The following ATRNL1 variants were observed in gnomAD, a reference collection of about 807,000 sequenced individuals.
ATRNL1 encodes attractin-like protein 1.
Under a neutral mutation model 182.7 loss-of-function variants are expected in ATRNL1, and 95 were observed. That is an observed-to-expected ratio of 0.52 (90% CI 0.44 to 0.62). The LOEUF (loss-of-function observed/expected upper bound fraction) is 0.62. Ranked by LOEUF, ATRNL1 falls within the 20% of genes least tolerant of loss-of-function variation. The pLI is 0.00. For missense variants in ATRNL1, 1,471 were observed against 1,679.5 expected, an observed-to-expected ratio of 0.88 and a Z score of 2.17; for synonymous variants, 576 against 568.3, an observed-to-expected ratio of 1.01 and a Z score of -0.19.
At chr10:115,346,259 C>T (rs782013500) in intron 19 of ATRNL1, among the ~76,000 whole-genome samples, 2 of 151,968 alleles carry the variant, frequency 1.3e-5, no homozygotes, top group Non-Finnish European at 2.9e-5. Flanking sequence ...AAATAGCTAC[C>T]CACTCCCCCA....
chr10:115,506,711 G>A (rs1420898973), intron 24 of ATRNL1, among the ~76,000 whole-genome samples: 1 of 152,008 alleles, frequency 6.6e-6, no homozygotes, highest in African/African-American at 2.4e-5. Flanking sequence ...CAAATTTTGG[G>A]AGATCAGGGA....
At chr10:115,785,860 C>A (rs1366498573) in intron 27 of ATRNL1, among the ~76,000 whole-genome samples, 1 of 152,158 alleles carries the variant, frequency 6.6e-6, no homozygotes. Context: ...GCTAAGTATC[C>A]AGATTCATCC....
At chr10:115,243,090 A>G (rs1850489923) in intron 10 of ATRNL1, among the ~76,000 whole-genome samples, 2 of 151,994 alleles carry the variant, frequency 1.3e-5, no homozygotes, top group African/African-American at 4.8e-5. Context: ...CTTCTGGGGA[A>G]AAAAAATCCC....
intron 24 of ATRNL1, among the ~76,000 whole-genome samples, chr10:115,517,136 TAA>T (rs1850679113): frequency 2.6e-5 from 4 of 152,138 alleles, no homozygotes; most frequent in Middle Eastern, 3.4e-3. Context: ...AGATAACTTT[TAA>T]AAGAGATATG....
intron 27 of ATRNL1, among the ~76,000 whole-genome samples, chr10:115,785,971 C>T (rs1392756333): frequency 4.6e-5 from 7 of 152,152 alleles, no homozygotes; most frequent in Admixed American, 1.3e-4. Context: ...ATATGTTCTT[C>T]ATTTTCATAT....
At chr10:115,730,810 A>G (rs957304797) in intron 27 of ATRNL1, among the ~76,000 whole-genome samples, 2 of 151,972 alleles carry the variant, frequency 1.3e-5, no homozygotes, top group Non-Finnish European at 1.5e-5. Context: ...TATATATTCT[A>G]TATATATAGG....
At chr10:115,626,883 G>GATTAGCCTCTTGAATATCCTC (rs1858140039) in intron 26 of ATRNL1, among the ~76,000 whole-genome samples, 3 of 152,034 alleles carry the variant, frequency 2.0e-5, no homozygotes, top group African/African-American at 4.8e-5. Context: ...TTATACTGTT[G>GATTAGCCTCTTGAATATCCTC]ATTAGCCTCT....
chr10:115,314,814 GACAAAAAACCA>G (rs782628597), intron 17 of ATRNL1, among the ~76,000 whole-genome samples: 18 of 152,062 alleles, frequency 1.2e-4, no homozygotes, highest in Admixed American at 1.3e-4. Flanking sequence ...AAAACAAAAA[GACAAAAAACCA>G]ACAACAACAA....
chr10:115,867,485 G>T (rs2134406333), intron 28 of ATRNL1, among the ~76,000 whole-genome samples: 1 of 152,238 alleles, frequency 6.6e-6, no homozygotes, highest in South Asian at 2.1e-4. Flanking sequence ...AGCCTGGCAG[G>T]CTGCTTAGGG....
intron 10 of ATRNL1, among the ~76,000 whole-genome samples, chr10:115,252,703 A>G (rs1554905643): frequency 6.6e-6 from 1 of 152,172 alleles, no homozygotes; most frequent in Admixed American, 6.5e-5. Context: ...CAGATCTTCT[A>G]TAATTGGCAG....
At chr10:115,737,218 G>A (rs1184266610) in intron 27 of ATRNL1, among the ~76,000 whole-genome samples, 2 of 151,348 alleles carry the variant, frequency 1.3e-5, no homozygotes, top group African/African-American at 2.4e-5. Context: ...TTAAGCTTAG[G>A]AGGTCAAAAT....
chr10:115,801,142 T>C (rs1949783268), intron 27 of ATRNL1, among the ~76,000 whole-genome samples: 1 of 152,178 alleles, frequency 6.6e-6, no homozygotes, highest in South Asian at 2.1e-4. Flanking sequence ...GGATAACCCT[T>C]CCTGTCTTGC....
In ATRNL1 at chr10:115,426,153, T is replaced by G. The variant is rs1845875910; in HGVS notation, c.3270-97T>G. The G allele has an allele frequency of 4.6e-6, 4 of 875,650 alleles. No individual in the cohort carries two copies. The Admixed American group carries it at 8.9e-5, about 19-fold the overall frequency. The allele number at this position is 875,650 out of a possible 1,614,324, so 54.2% of individuals were successfully genotyped here. A position where few individuals can be genotyped will look rare whatever the true frequency, so the allele number is the denominator to read the frequency against. On this transcript the variant is annotated intron_variant, in intron 20 of 28. Transcript: ENST00000355044. The stretch of plus-strand genomic sequence containing the variant: ...AAATAATGGTATAGTTTTAAATATG[T>G]TTTGATGTAGAATATAAATACTTTT...
chr10:115,792,490 C>T (rs782268943), intron 27 of ATRNL1, among the ~76,000 whole-genome samples: 5 of 152,012 alleles, frequency 3.3e-5, no homozygotes, highest in East Asian at 1.9e-4. Flanking sequence ...AGAATATTGC[C>T]GTTTTACTTA....
intron 6 of ATRNL1, among the ~76,000 whole-genome samples, chr10:115,160,750 AT>A: frequency 6.6e-6 from 1 of 151,866 alleles, no homozygotes; most frequent in East Asian, 1.9e-4. Context: ...GCTTTATCTG[AT>A]TTCTTTTTCA....
At chr10:115,308,300 T>G (rs906819213) in intron 17 of ATRNL1, among the ~76,000 whole-genome samples, 1 of 152,140 alleles carries the variant, frequency 6.6e-6, no homozygotes, top group Non-Finnish European at 1.5e-5. Context: ...GATATTCTAC[T>G]TGTGAAAATG....
intron 25 of ATRNL1, among the ~76,000 whole-genome samples, chr10:115,522,481 C>G (rs1464144142): frequency 1.3e-5 from 2 of 152,184 alleles, no homozygotes; most frequent in African/African-American, 4.8e-5. Flanking sequence ...GCCCCTGCAA[C>G]TCAAACACCT....
At chr10:115,916,862 G>A (rs1179623617) in intron 28 of ATRNL1, among the ~76,000 whole-genome samples, 2 of 152,280 alleles carry the variant, frequency 1.3e-5, no homozygotes, top group South Asian at 2.1e-4. Flanking sequence ...CCCAGAATCC[G>A]TGCTTCCAAC....
intron 19 of ATRNL1, among the ~76,000 whole-genome samples, chr10:115,354,290 T>A (rs1174532316): frequency 6.6e-6 from 1 of 152,194 alleles, no homozygotes; most frequent in Non-Finnish European, 1.5e-5. Flanking sequence ...TCAGATGTTT[T>A]CTTGTTATAT....
Sources: allele counts gnomAD v4.1 joint callset (sites outside exome capture counted in the v4.1 genomes callset), GRCh38; gene constraint gnomAD v4.1.1; transcripts MANE v1.5; gene names NCBI Gene and HGNC (gene_info 2026-07-23, HGNC 2026-07-21).